RNF217: variants seen among roughly 807,000 people sequenced by gnomAD.
RNF217 encodes the protein E3 ubiquitin-protein ligase RNF217.
RNF217 carries 31 observed loss-of-function variants against 57.8 expected under a neutral mutation model. The observed-to-expected ratio is 0.54, with a 90% CI of 0.40 to 0.72. The LOEUF (loss-of-function observed/expected upper bound fraction) is 0.72. Among genes scored for constraint, RNF217 ranks in the 30% least tolerant of loss-of-function variants. The pLI is 0.00. For synonymous variants in RNF217, 313 were observed against 294.0 expected, an observed-to-expected ratio of 1.06 and a Z score of -0.66; for missense variants, 696 against 708.3, an observed-to-expected ratio of 0.98 and a Z score of 0.20.
intron 1 of RNF217, among the ~76,000 whole-genome samples, chr6:124,964,017 G>A (rs1312957367): frequency 6.6e-6 from 1 of 152,164 alleles, no homozygotes; most frequent in African/African-American, 2.4e-5. Context: ...TAAGAGGGAA[G>A]CAAAACAGAA....
chr6:125,041,966 T>C (rs1315356247), intron 1 of RNF217, among the ~76,000 whole-genome samples: 2 of 152,026 alleles, frequency 1.3e-5, no homozygotes, highest in East Asian at 3.9e-4. Flanking sequence ...CTTTTGATTA[T>C]AAAAAACTTG....
At chr6:125,081,127 A>C (rs905393771) in intron 4 of RNF217, among the ~76,000 whole-genome samples, 1 of 152,116 alleles carries the variant, frequency 6.6e-6, no homozygotes, top group Admixed American at 6.6e-5. Context: ...AAGGATCTTA[A>C]GGAAAAGCAC....
intron 1 of RNF217, among the ~76,000 whole-genome samples, chr6:125,006,544 ATAAT>A (rs1357939794): frequency 6.6e-6 from 1 of 152,198 alleles, no homozygotes; most frequent in Non-Finnish European, 1.5e-5. Context: ...CATAAACTTC[ATAAT>A]TAATTTCAAT....
In RNF217 at chr6:124,962,668, C is replaced by A. The variant is rs1783327942; in HGVS notation, c.124C>A (p.Pro42Thr). Residue 42 changes from proline to threonine, a missense_variant, in exon 1 of 6, where the codon CCG (proline) becomes ACG (threonine). By Grantham distance (38) the Pro-to-Thr change is conservative. Coordinates refer to ENST00000521654, the MANE Select transcript of RNF217 (RefSeq NM_001286398.3). The surrounding 1 kb of genome is among the most constrained non-coding windows in gnomAD (Gnocchi z 4.6). ...TCAGGGGGACAGCGCCCGGGCGCCCCCGCTGCGCGCCGCCTCCGCGGAGCC... is the reference window on the plus strand; with the variant it reads ...TCAGGGGGACAGCGCCCGGGCGCCCACGCTGCGCGCCGCCTCCGCGGAGCC... ...RPQGDSARAP[P>T]LRAASAEPSG... 7 of 1,341,286 alleles carry A rather than the reference C, an allele frequency of 5.2e-6. No homozygotes were observed. Among genetic ancestry groups the A allele is most frequent in the Non-Finnish European group, 6.6e-6 (7 of 1,057,628 alleles). The allele number at this position is 1,341,286 out of a possible 1,614,324, so 83.1% of individuals were successfully genotyped here.
chr6:125,007,264 A>G (rs375031726), intron 1 of RNF217, among the ~76,000 whole-genome samples: 10 of 109,648 alleles, frequency 9.1e-5, no homozygotes, highest in African/African-American at 2.9e-4. Flanking sequence ...TTTTTTTTTG[A>G]GATGGAGTTT....
At chr6:125,025,576 A>AAGGGAGGG (rs140086309) in intron 1 of RNF217, among the ~76,000 whole-genome samples, 3 of 121,960 alleles carry the variant, frequency 2.5e-5, no homozygotes, top group Admixed American at 7.6e-5. Context: ...GAAAAGAAGG[A>AAGGGAGGG]AGGGAGGGAG....
At position 124,984,423 on chromosome 6, in the gene RNF217, C is replaced by T. The variant is rs183148995; in HGVS notation, c.882+20997C>T. Among the ~76,000 whole-genome samples, 106 of 151,916 alleles carry T rather than the reference C, an allele frequency of 7.0e-4. 1 individual carries two copies. In the South Asian group the frequency reaches 7.5e-3, roughly 11 times the overall value. Reference sequence around the variant, plus strand: ...AGTAACCAGGTGTGGTGGTGCATGCCTGTAGTCCCAGCTACCAGGGAGACT... The same window carrying T: ...AGTAACCAGGTGTGGTGGTGCATGCTTGTAGTCCCAGCTACCAGGGAGACT... On this transcript the variant is annotated intron_variant, in intron 1 of 5. Coordinates refer to ENST00000521654, the MANE Select transcript of RNF217 (RefSeq NM_001286398.3).
Position 125,088,605 on chromosome 6 carries a change from CTATA to C in RNF217, c.*5674_*5677del, listed in dbSNP as rs1404485054. ...AGAATGTAATTATGCATGTTACAAA[CTATA>C]TATATCTTTTTGGCTAGAGAAGTGA... On this transcript the variant is annotated 3_prime_UTR_variant, in exon 6 of 6. Coordinates refer to ENST00000521654, the MANE Select transcript of RNF217 (RefSeq NM_001286398.3). The C allele has an allele frequency of 6.6e-6, 1 of 152,054 alleles. No homozygotes were observed. The highest frequency in any genetic ancestry group is 2.4e-5 in the African/African-American group (1 of 41,412). The allele number at this position is 152,054 out of a possible 1,614,324, so 9.4% of individuals were successfully genotyped here.
intron 3 of RNF217, among the ~76,000 whole-genome samples, chr6:125,069,017 G>A (rs898661764): frequency 1.2e-4 from 19 of 152,092 alleles, no homozygotes; most frequent in African/African-American, 4.6e-4. Context: ...TGGGATCAAG[G>A]GAAGTGGTGT....
In RNF217 at chr6:124,966,249, T is replaced by A. The variant is rs114415389; in HGVS notation, c.882+2823T>A. ...TTTTTGATCTGTGTCAATTCTATGG[T>A]CCCTCTACTCAAAGGTTGTGTTTCT... On this transcript the variant is annotated intron_variant, in intron 1 of 5. Transcript: ENST00000521654. 3.1e-3 allele frequency among the ~76,000 whole-genome samples: 469 copies of A among 152,310 alleles called. 4 individuals are homozygous for A. The highest frequency in any genetic ancestry group is 0.011 in the African/African-American group (453 of 41,566).
rs1325883273 is a variant in RNF217 at position 125,091,858 on chromosome 6, A to G, written c.*8921A>G. ...TTCCCAGTGAGCTTTATCAACATCA[A>G]CCCTGTTTATATAATATGTTATTTT... On this transcript the variant is annotated 3_prime_UTR_variant, in exon 6 of 6. Coordinates refer to ENST00000521654, the MANE Select transcript of RNF217 (RefSeq NM_001286398.3). The G allele has an allele frequency of 6.6e-6, 1 of 152,020 alleles. No homozygotes were observed. The highest frequency in any genetic ancestry group is 1.5e-5 in the Non-Finnish European group (1 of 67,982). 9.4% of individuals were successfully genotyped at this position (152,020 alleles called of 1,614,324 possible). A position where few individuals can be genotyped will look rare whatever the true frequency, so the allele number is the denominator to read the frequency against.
At chr6:125,052,677 A>G (rs916211770) in intron 2 of RNF217, among the ~76,000 whole-genome samples, 1 of 152,094 alleles carries the variant, frequency 6.6e-6, no homozygotes, top group African/African-American at 2.4e-5. Flanking sequence ...CCTTGAAAGT[A>G]TTTGAAGCCA....
chr6:124,984,002 T>A (rs1035330477), intron 1 of RNF217, among the ~76,000 whole-genome samples: 4 of 152,164 alleles, frequency 2.6e-5, no homozygotes, highest in Non-Finnish European at 5.9e-5. Context: ...AAGCCTCTTT[T>A]GTAAGGATAT....
At chr6:124,969,996 G>C (rs1390648533) in intron 1 of RNF217, among the ~76,000 whole-genome samples, 1 of 152,172 alleles carries the variant, frequency 6.6e-6, no homozygotes, top group Admixed American at 6.5e-5. Context: ...AAAGATAGAA[G>C]CATACGTGTG....
chr6:125,076,573 A>G, intron 3 of RNF217, 84 bp from the exon 4 acceptor site: 1 of 804,298 alleles, frequency 1.2e-6, no homozygotes, highest in Non-Finnish European at 2.1e-6. Flanking sequence ...GAAACTGGTA[A>G]GTGTTGTTTC....
chr6:125,071,108 A>G (rs543888404), intron 3 of RNF217, among the ~76,000 whole-genome samples: 2 of 152,308 alleles, frequency 1.3e-5, no homozygotes, highest in East Asian at 3.9e-4. Context: ...ATTGAATTAA[A>G]TGTAAACAAC....
chr6:125,023,016 G>T (rs899739972), intron 1 of RNF217, among the ~76,000 whole-genome samples: 2 of 152,126 alleles, frequency 1.3e-5, no homozygotes, highest in African/African-American at 4.8e-5. Flanking sequence ...CACAGTTTCT[G>T]CCCTCAAAGA....
At chr6:125,071,658 C>G (rs2114628734) in intron 3 of RNF217, among the ~76,000 whole-genome samples, 1 of 152,200 alleles carries the variant, frequency 6.6e-6, no homozygotes, top group Non-Finnish European at 1.5e-5. Flanking sequence ...AAGGGAATAT[C>G]TAGCTTATTC....
chr6:125,050,443 T>G (rs1337469488), intron 2 of RNF217, among the ~76,000 whole-genome samples: 3 of 151,974 alleles, frequency 2.0e-5, no homozygotes, highest in Non-Finnish European at 4.4e-5. Flanking sequence ...GTGCTTACCT[T>G]ATCTCTCTAG....
Sources: allele counts gnomAD v4.1 joint callset (sites outside exome capture counted in the v4.1 genomes callset), GRCh38; gene constraint gnomAD v4.1.1; non-coding constraint Gnocchi (gnomAD v3.1); transcripts MANE v1.5; gene names NCBI Gene and HGNC (gene_info 2026-07-23, HGNC 2026-07-21).